Variants in NDST3 observed in about 807,000 individuals in gnomAD.
NDST3 encodes the protein bifunctional heparan sulfate N-deacetylase/N-sulfotransferase 3.
NDST3 carries 58 observed loss-of-function variants against 96.1 expected under a neutral mutation model. The observed-to-expected ratio is 0.60, with a 90% CI of 0.49 to 0.75. The LOEUF (loss-of-function observed/expected upper bound fraction) is 0.75. Among genes scored for constraint, NDST3 ranks in the 30% least tolerant of loss-of-function variants. The probability of loss-of-function intolerance (pLI) is 0.00; values close to 1 mark genes in which losing one functional copy is unlikely to be tolerated. For synonymous variants in NDST3, 333 were observed against 359.7 expected, an observed-to-expected ratio of 0.93 and a Z score of 0.84; for missense variants, 788 against 1,034.2, an observed-to-expected ratio of 0.76 and a Z score of 3.27.
chr4:118,083,961 T>G (rs1728216356), intron 2 of NDST3, among the ~76,000 whole-genome samples: 2 of 152,170 alleles, frequency 1.3e-5, no homozygotes, highest in Admixed American at 6.5e-5. Flanking sequence ...CTCTGTAGAC[T>G]CCATTGCCAA....
At chr4:118,131,551 CTCTG>C (rs1232778777) in intron 4 of NDST3, among the ~76,000 whole-genome samples, 1 of 152,072 alleles carries the variant, frequency 6.6e-6, no homozygotes, top group Non-Finnish European at 1.5e-5. Flanking sequence ...ATTTTGAATT[CTCTG>C]TCTGAAAGGT....
chr4:118,117,665 C>T (rs899384171), intron 4 of NDST3, among the ~76,000 whole-genome samples: 1 of 152,106 alleles, frequency 6.6e-6, no homozygotes, highest in Non-Finnish European at 1.5e-5. Flanking sequence ...GATGAAGCAA[C>T]TGAGAATCAG....
chr4:118,224,615 T>G lies in NDST3; in HGVS notation c.1664T>G (p.Val555Gly). The G allele has an allele frequency of 1.2e-6, 2 of 1,612,004 alleles. No individual in the cohort carries two copies. Among genetic ancestry groups the G allele is most frequent in the Non-Finnish European group, 1.7e-6 (2 of 1,178,872 alleles). ...CTGCGACTTCAGACTCTGCCTCCAG[T>G]ACAACTGGCCCACAAGTATTTTGAG... is the stretch of plus-strand genomic sequence containing the variant. ...TNLRLQTLPPVQLAHKYFELF... is the reference protein window; with the variant it reads ...TNLRLQTLPPGQLAHKYFELF... Residue 555 changes from valine to glycine, a missense_variant, in exon 7 of 14, where the codon GTA (valine) becomes GGA (glycine). Around this residue, in one of 3 missense-constraint regions of NDST3, gnomAD observed 490 missense variants for 708.8 expected, o/e 0.69. Coordinates refer to ENST00000296499, the MANE Select transcript of NDST3 (RefSeq NM_004784.3).
intron 6 of NDST3, among the ~76,000 whole-genome samples, chr4:118,191,421 T>A (rs1361642773): frequency 2.0e-5 from 3 of 152,220 alleles, no homozygotes; most frequent in Non-Finnish European, 4.4e-5. Flanking sequence ...GTATTCCAGT[T>A]TGATAGGTGG....
chr4:118,102,382 T>C (rs997694268), intron 2 of NDST3, among the ~76,000 whole-genome samples: 1 of 152,092 alleles, frequency 6.6e-6, no homozygotes, highest in Non-Finnish European at 1.5e-5. Flanking sequence ...ATGACCACAG[T>C]ACTCTATCAG....
At chr4:118,234,322 A>G (rs1314711963) in intron 9 of NDST3, among the ~76,000 whole-genome samples, 1 of 152,012 alleles carries the variant, frequency 6.6e-6, no homozygotes, top group African/African-American at 2.4e-5. Context: ...CTGAGATGGG[A>G]GGATAACCTG....
chr4:118,035,014 A>T (rs1366027184), intron 1 of NDST3, among the ~76,000 whole-genome samples: 1 of 152,234 alleles, frequency 6.6e-6, no homozygotes, highest in African/African-American at 2.4e-5. Flanking sequence ...CAGTTTATAG[A>T]CATTATTTAA....
intron 2 of NDST3, among the ~76,000 whole-genome samples, chr4:118,058,802 T>C (rs866735117): frequency 6.6e-6 from 1 of 152,056 alleles, no homozygotes; most frequent in Middle Eastern, 3.2e-3. Context: ...AAAAAGCTTC[T>C]ACCATTAAAG....
At chr4:118,101,903 T>C (rs949241183) in intron 2 of NDST3, among the ~76,000 whole-genome samples, 1 of 152,128 alleles carries the variant, frequency 6.6e-6, no homozygotes, top group Non-Finnish European at 1.5e-5. Flanking sequence ...TATTCTGCAT[T>C]CATTACAAAA....
At chr4:118,192,536 G>A (rs557721297) in intron 6 of NDST3, among the ~76,000 whole-genome samples, 9 of 152,154 alleles carry the variant, frequency 5.9e-5, no homozygotes, top group African/African-American at 2.2e-4. Context: ...TTATTGAAGA[G>A]ATTGTCTTTT....
intron 6 of NDST3, among the ~76,000 whole-genome samples, chr4:118,204,723 C>G (rs1356403523): frequency 1.4e-5 from 2 of 144,530 alleles, no homozygotes; most frequent in Non-Finnish European, 3.1e-5. Context: ...TGTGTATATA[C>G]ACATGTGTCT....
rs1037102241 is a variant in NDST3 at position 118,257,976 on chromosome 4, T to G, written c.*2264T>G. Reference sequence around the variant, plus strand: ...GTTATATACAGTGTCATGTTTTCATTTGGCAACAACATTTATTCTAATAAA... The same window carrying G: ...GTTATATACAGTGTCATGTTTTCATGTGGCAACAACATTTATTCTAATAAA... On this transcript the variant is annotated 3_prime_UTR_variant, in exon 14 of 14. Coordinates refer to ENST00000296499, the MANE Select transcript of NDST3 (RefSeq NM_004784.3). 5 of 152,218 alleles carry G rather than the reference T, an allele frequency of 3.3e-5. No homozygotes were observed. Among genetic ancestry groups the G allele is most frequent in the African/African-American group, 9.6e-5 (4 of 41,460 alleles). The allele number at this position is 152,218 out of a possible 1,614,324, so 9.4% of individuals were successfully genotyped here. A position where few individuals can be genotyped will look rare whatever the true frequency, so the allele number is the denominator to read the frequency against.
At chr4:118,125,214 A>G (rs182577977) in intron 4 of NDST3, among the ~76,000 whole-genome samples, 49 of 152,210 alleles carry the variant, frequency 3.2e-4, no homozygotes, top group Non-Finnish European at 6.3e-4. Flanking sequence ...GGGTATCACC[A>G]TAAATAACAA....
At chr4:118,241,927 G>A (rs778181802) in intron 11 of NDST3, 113 bp from the exon 12 acceptor site, 1 of 661,188 alleles carries the variant, frequency 1.5e-6, no homozygotes, top group Non-Finnish European at 2.7e-6. Context: ...ACCAATGCAT[G>A]CAATTCTGCT....
chr4:118,055,213 A>G (rs1456896732), intron 2 of NDST3: 2 of 318,646 alleles, frequency 6.3e-6, no homozygotes, highest in South Asian at 3.3e-5. Flanking sequence ...GCTATTACTA[A>G]TCTCAGACTT....
chr4:118,168,840 A>C (rs747049118), intron 6 of NDST3, among the ~76,000 whole-genome samples: 1 of 152,236 alleles, frequency 6.6e-6, no homozygotes, highest in Non-Finnish European at 1.5e-5. Context: ...ATCAACATTG[A>C]GGACATTATG....
In NDST3 at chr4:118,143,753, G is replaced by T. The variant is rs565016977; in HGVS notation, c.1539+69G>T. On this transcript the variant is annotated intron_variant, in intron 6 of 13. Coordinates refer to ENST00000296499, the MANE Select transcript of NDST3 (RefSeq NM_004784.3). The stretch of plus-strand genomic sequence containing the variant: ...CTGGCAAAAATTACCCTGGCAAAGA[G>T]GCTAGGGATTGGGCAGTCATCAGCC... 4.0e-6 allele frequency: 6 copies of T among 1,500,760 alleles called. No homozygotes were observed. In the African/African-American group the frequency reaches 5.7e-5, roughly 14 times the overall value. The allele number at this position is 1,500,760 out of a possible 1,614,324, so 93.0% of individuals were successfully genotyped here. A position where few individuals can be genotyped will look rare whatever the true frequency, so the allele number is the denominator to read the frequency against.
intron 6 of NDST3, among the ~76,000 whole-genome samples, chr4:118,217,398 T>TA (rs1560724082): frequency 6.6e-6 from 1 of 152,070 alleles, no homozygotes; most frequent in East Asian, 1.9e-4. Context: ...CAGGGAATTA[T>TA]AGTATAGGAA....
chr4:118,212,904 C>T (rs747682577), intron 6 of NDST3, among the ~76,000 whole-genome samples: 7 of 152,182 alleles, frequency 4.6e-5, no homozygotes, highest in Non-Finnish European at 7.4e-5. Flanking sequence ...GGGTACTTAA[C>T]TATGTTGTCA....
Sources: allele counts gnomAD v4.1 joint callset (sites outside exome capture counted in the v4.1 genomes callset), GRCh38; gene constraint gnomAD v4.1.1; regional missense constraint gnomAD v4.1.1; transcripts MANE v1.5; gene names NCBI Gene and HGNC (gene_info 2026-07-23, HGNC 2026-07-21).